Variants in GPRC5D observed in about 807,000 individuals in gnomAD.
The protein encoded by GPRC5D is G protein-coupled receptor class C group 5 member D, also known as G protein-coupled receptor family C group 5 member D.
A neutral mutation model predicts 29.3 loss-of-function variants in GPRC5D; 20 were observed. The ratio of observed to expected loss-of-function variants is 0.68; its 90% CI spans 0.48 to 0.99. The LOEUF is 0.99. GPRC5D is among the 50% of genes least tolerant of loss of function. The probability of loss-of-function intolerance (pLI) is 0.00; values close to 1 mark genes in which losing one functional copy is unlikely to be tolerated. For synonymous variants in GPRC5D, 178 were observed against 171.3 expected (o/e 1.04, Z -0.30); for missense variants, 384 against 423.6 (o/e 0.91, Z 0.82).
downstream of GPRC5D, chr12:12,940,636 T>C: frequency 1.8e-6 from 1 of 550,784 alleles, no homozygotes; most frequent in East Asian, 2.9e-5. Flanking sequence ...AGGGTCCTGG[T>C]GGATGGAGGG....
intron 2 of GPRC5D, among the ~76,000 whole-genome samples, chr12:12,941,561 A>G (rs1284432334): frequency 6.6e-6 from 1 of 152,228 alleles, no homozygotes; most frequent in Non-Finnish European, 1.5e-5. Flanking sequence ...TTCATTGAAT[A>G]AATGATCTGA....
At chr12:12,947,483 C>A (rs188265701) in intron 1 of GPRC5D, among the ~76,000 whole-genome samples, 18 of 152,254 alleles carry the variant, frequency 1.2e-4, no homozygotes, top group Admixed American at 9.2e-4. Context: ...GGTTATTTTG[C>A]CCAATCTTGG....
chr12:12,949,279 A>G lies in GPRC5D; in HGVS notation c.895+211T>C, dbSNP rs1592377630. ...TTCATGTATGTCTTGGTCTCTCCCC[A>G]TAAAGCTCTATGCTTTGGAAGAACT... On this transcript the variant is annotated intron_variant, in intron 1 of 2. Transcript: ENST00000228887. Among the ~76,000 whole-genome samples, 3 of 152,280 alleles carry G rather than the reference A, an allele frequency of 2.0e-5. No individual in the cohort carries two copies. The Middle Eastern group carries it at 0.01, about 518-fold the overall frequency.
intron 2 of GPRC5D, among the ~76,000 whole-genome samples, 194 bp from the exon 4 acceptor site, chr12:12,941,043 C>T (rs1320915272): frequency 6.6e-6 from 1 of 152,094 alleles, no homozygotes; most frequent in African/African-American, 2.4e-5. Context: ...TTCTGAGTAA[C>T]TGAAATTACA....
At chr12:12,947,182 A>T (rs1041220701) in intron 1 of GPRC5D, 14 of 152,236 alleles carry the variant, frequency 9.2e-5, no homozygotes, top group African/African-American at 3.4e-4. Flanking sequence ...TGCTGACCAC[A>T]CATCTGTTTA....
At chr12:12,950,573 G>A, upstream of GPRC5D, 1 of 580,866 alleles carries the variant, frequency 1.7e-6, no homozygotes, top group Admixed American at 3.0e-5. Context: ...TTGGAAGGCT[G>A]AGGCGGGCCG....
intron 1 of GPRC5D, among the ~76,000 whole-genome samples, chr12:12,944,751 T>G (rs2136493419): frequency 2.2e-5 from 1 of 46,484 alleles, no homozygotes; most frequent in Admixed American, 3.5e-4. Context: ...CTTCCTTCCT[T>G]CCTTCCTTTC....
At chr12:12,945,556 C>A (rs1262751680) in intron 1 of GPRC5D, among the ~76,000 whole-genome samples, 1 of 151,842 alleles carries the variant, frequency 6.6e-6, no homozygotes, top group African/African-American at 2.4e-5. Flanking sequence ...AGAAATATTC[C>A]AAAATTTACC....
At position 12,944,850 on chromosome 12, in the gene GPRC5D, CTTCTTTCTTTCT is replaced by C. The variant is rs57581481; in HGVS notation, c.896-2534_896-2523del. 8.3e-3 allele frequency among the ~76,000 whole-genome samples: 286 copies of C among 34,452 alleles called. 19 individuals carry two copies. The highest frequency in any genetic ancestry group is 0.022 in the East Asian group (22 of 998). The allele number at this position is 34,452 out of a possible 152,430, so 22.6% of individuals were successfully genotyped here. On this transcript the variant is annotated intron_variant, in intron 1 of 2. Coordinates refer to ENST00000228887, the Ensembl canonical transcript of GPRC5D. ...CCTTCCTTCCTTCCTTCCTTCCTTC[CTTCTTTCTTTCT>C]TTCTTTCTTTCTTTCTTTCTTTCTT...
intron 2 of GPRC5D, 119 bp downstream of exon 3, chr12:12,942,142 T>C (rs1863167489): frequency 2.7e-6 from 2 of 748,312 alleles, no homozygotes; most frequent in Admixed American, 2.1e-5. Context: ...TTAGGGATGC[T>C]CCTGCTCTGT....
intron 2 of GPRC5D, among the ~76,000 whole-genome samples, chr12:12,941,317 C>T (rs1204688347): frequency 1.6e-4 from 25 of 152,122 alleles, no homozygotes; most frequent in South Asian, 6.2e-4. Flanking sequence ...CCCTTAGCCA[C>T]GAACAAGAAT....
chr12:12,944,676 A>G (rs368683771), intron 1 of GPRC5D, among the ~76,000 whole-genome samples: 2 of 152,080 alleles, frequency 1.3e-5, no homozygotes, highest in South Asian at 4.2e-4. Flanking sequence ...AAAGAATCAT[A>G]TGAGGTTTGT....
chr12:12,941,323 A>G (rs1863141978), intron 2 of GPRC5D, among the ~76,000 whole-genome samples: 2 of 152,212 alleles, frequency 1.3e-5, no homozygotes, highest in South Asian at 4.1e-4. Context: ...GCCACGAACA[A>G]GAATCTTTTT....
In GPRC5D at chr12:12,942,341, G is replaced by C; in HGVS notation, c.896-13C>G. 4 of 1,595,666 alleles carry C rather than the reference G, an allele frequency of 2.5e-6. No homozygotes were observed. The highest frequency in any genetic ancestry group is 2.6e-6 in the Non-Finnish European group (3 of 1,163,188). On this transcript the variant is annotated splice_polypyrimidine_tract_variant and intron_variant, in intron 1 of 2. Transcript: ENST00000228887. ...TCACTGTCTCGGGCTGAAAGCCAAA[G>C]GAGGGAAGGGCTGGGTTAGTGTCCG... is the stretch of plus-strand genomic sequence containing the variant.
intron 1 of GPRC5D, among the ~76,000 whole-genome samples, chr12:12,944,825 CCTTCCTTCCTTCCTTCCT>C (rs1565477158): frequency 0.011 from 128 of 12,112 alleles, 10 homozygotes; most frequent in Non-Finnish European, 0.018. Context: ...TTCCTTCCTT[CCTTCCTTCCTTCCTTCCT>C]TCCTTCCTTC....
rs368683771 is a variant in GPRC5D, at chr12:12,944,676, A to T, written c.896-2348T>A. The stretch of plus-strand genomic sequence containing the variant: ...ATCTAATGCCTTCAAAAAGAATCAT[A>T]TGAGGTTTGTCTGTATGCATCCAAA... On this transcript the variant is annotated intron_variant, in intron 1 of 2. Transcript: ENST00000228887. Among the ~76,000 whole-genome samples the T allele has an allele frequency of 1.6e-3, 239 of 152,080 alleles. 1 individual carries two copies. Among genetic ancestry groups the T allele is most frequent in the African/African-American group, 5.6e-3 (234 of 41,480 alleles).
intron 2 of GPRC5D, 118 bp from the exon 4 acceptor site, chr12:12,940,967 A>G (rs149995735): frequency 2.7e-4 from 182 of 662,880 alleles, no homozygotes; most frequent in African/African-American, 2.6e-3. Flanking sequence ...GCTGGAGTGC[A>G]GTGGTGTGAT....
chr12:12,951,156 G>A (rs777596947), upstream of GPRC5D, among the ~76,000 whole-genome samples: 11 of 152,018 alleles, frequency 7.2e-5, no homozygotes, highest in Non-Finnish European at 1.5e-4. Context: ...AAAAAGTAAC[G>A]TCAAGAACCG....
At chr12:12,949,889 G>A (rs1361854770) in exon 1 of GPRC5D, 2 of 1,614,150 alleles carry the variant, frequency 1.2e-6, no homozygotes, top group Non-Finnish European at 1.7e-6. Flanking sequence ...TCCACATTGA[G>A]CTGGCAGGGT....
Sources: allele counts gnomAD v4.1 joint callset (sites outside exome capture counted in the v4.1 genomes callset), GRCh38; gene constraint gnomAD v4.1.1; transcripts MANE v1.5; gene names NCBI Gene and HGNC (gene_info 2026-07-23, HGNC 2026-07-21).